TMEM260: variants seen among roughly 807,000 people sequenced by gnomAD.
The protein encoded by TMEM260 is transmembrane protein 260.
TMEM260 carries 82 observed loss-of-function variants against 88.9 expected under a neutral mutation model. That is an observed-to-expected ratio of 0.92 (90% confidence interval 0.77 to 1.11). The LOEUF (loss-of-function observed/expected upper bound fraction) is 1.11. Ranked by LOEUF, TMEM260 falls within the 50% of genes least tolerant of loss-of-function variation. The probability of loss-of-function intolerance (pLI) is 0.00; values close to 1 mark genes in which losing one functional copy is unlikely to be tolerated. For missense variants in TMEM260, 902 were observed against 853.4 expected (o/e 1.06, Z -0.71); for synonymous variants, 314 against 309.3 (o/e 1.02, Z -0.16).
intron 5 of TMEM260, among the ~76,000 whole-genome samples, chr14:56,605,920 T>C (rs1445784720): frequency 1.3e-5 from 2 of 152,222 alleles, no homozygotes; most frequent in Non-Finnish European, 2.9e-5. Context: ...AATAGCATCT[T>C]GATGAAAGTA....
At chr14:56,606,666 C>T (rs1392253709) in intron 5 of TMEM260, among the ~76,000 whole-genome samples, 2 of 152,066 alleles carry the variant, frequency 1.3e-5, no homozygotes, top group East Asian at 1.9e-4. Flanking sequence ...CCAAGGCAGG[C>T]GGATTGCCTG....
At chr14:56,594,956 A>G (rs770332242) in intron 3 of TMEM260, among the ~76,000 whole-genome samples, 1 of 152,198 alleles carries the variant, frequency 6.6e-6, no homozygotes, top group Non-Finnish European at 1.5e-5. Flanking sequence ...TATTCCCAAA[A>G]AGAGATTGCA....
rs771695037 is a variant in TMEM260, at chr14:56,618,616, G to A, written c.1079G>A (p.Ser360Asn). The change falls in exon 10 of 16, where the codon AGC (serine) becomes AAC (asparagine). Residue 360 changes from serine to asparagine, a missense_variant. By Grantham distance (46) the Ser-to-Asn change is conservative. Coordinates refer to ENST00000261556, the MANE Select transcript of TMEM260 (RefSeq NM_017799.4). ...CAGGTGGAACGATTCTGGATGCAGA[G>A]CAATGCAGTAGTGGCCGTCCTCGCT... ...MGVVERFWMQ[S>N]NAVVAVLAGI... 4 of 1,614,038 alleles carry A rather than the reference G, an allele frequency of 2.5e-6. No homozygotes were observed. The highest frequency in any genetic ancestry group is 1.1e-5 in the South Asian group (1 of 91,068).
At chr14:56,661,982 C>A in the TMEM260 span, among the ~76,000 whole-genome samples, 1 of 152,122 alleles carries the variant, frequency 6.6e-6, no homozygotes, top group South Asian at 2.1e-4. Flanking sequence ...AAGTTTAGGT[C>A]TCAGGGTGAG....
intron 7 of TMEM260, 61 bp from the exon 8 acceptor site, chr14:56,615,883 T>C: frequency 8.5e-7 from 1 of 1,177,638 alleles, no homozygotes; most frequent in South Asian, 1.2e-5. Flanking sequence ...ACAAGGACTA[T>C]TTTATTTGGA....
rs1890043349 is a variant in TMEM260, at chr14:56,647,511, G to A, written c.*14G>A. The A allele has an allele frequency of 6.4e-7, 1 of 1,568,870 alleles. No individual in the cohort carries two copies. The highest frequency in any genetic ancestry group is 2.3e-5 in the East Asian group (1 of 44,352). On this transcript the variant is annotated 3_prime_UTR_variant, in exon 16 of 16. Transcript: ENST00000261556. Reference sequence around the variant, plus strand: ...AAAAATGTCTGAGACAGCAAAATATGAAAAACCTGCTCATCGTTCAGCTTC... The same window carrying A: ...AAAAATGTCTGAGACAGCAAAATATAAAAAACCTGCTCATCGTTCAGCTTC...
chr14:56,610,227 GA>G (rs1343395727), intron 6 of TMEM260, among the ~76,000 whole-genome samples: 2 of 151,590 alleles, frequency 1.3e-5, no homozygotes, highest in Non-Finnish European at 2.9e-5. Context: ...TTAAAAAAAA[GA>G]ATTTTTTTTT....
At chr14:56,631,124 T>A (rs1464459399) in intron 12 of TMEM260, among the ~76,000 whole-genome samples, 1 of 152,114 alleles carries the variant, frequency 6.6e-6, no homozygotes, top group Non-Finnish European at 1.5e-5. Context: ...TATTAAAAGC[T>A]CTAAAGCAGA....
chr14:56,636,636 G>A (rs763984087), intron 15 of TMEM260, 38 bp downstream of exon 15: 1 of 1,549,846 alleles, frequency 6.5e-7, no homozygotes, highest in Non-Finnish European at 8.9e-7. Flanking sequence ...AGATATATTT[G>A]GTGGGAAGGT....
At chr14:56,599,640 C>G (rs1219843603) in intron 3 of TMEM260, among the ~76,000 whole-genome samples, 1 of 152,186 alleles carries the variant, frequency 6.6e-6, no homozygotes, top group Non-Finnish European at 1.5e-5. Flanking sequence ...ACATGTAGCT[C>G]TGATAAACTG....
At chr14:56,631,758 C>T (rs918998893) in intron 12 of TMEM260, among the ~76,000 whole-genome samples, 11 of 152,196 alleles carry the variant, frequency 7.2e-5, no homozygotes, top group African/African-American at 2.7e-4. Flanking sequence ...TCTTAGTGCA[C>T]ATGCTTGAGC....
Position 56,585,719 on chromosome 14 carries a change from T to C in TMEM260, c.193-42T>C, listed in dbSNP as rs149810816. The C allele has an allele frequency of 2.5e-6, 4 of 1,593,702 alleles. No homozygotes were observed. The South Asian group carries it at 4.5e-5, about 18-fold the overall frequency. ...ATTAAGGCCTGTGGGACTCTTCCTT[T>C]CCTAGATGAAAACCTTCTAACTGTT... On this transcript the variant is annotated intron_variant, in intron 2 of 15. Coordinates refer to ENST00000261556, the MANE Select transcript of TMEM260 (RefSeq NM_017799.4).
chr14:56,652,107 C>T (rs1890217410), downstream of TMEM260, among the ~76,000 whole-genome samples: 2 of 152,274 alleles, frequency 1.3e-5, no homozygotes, highest in South Asian at 2.1e-4. Flanking sequence ...GAAAGGGGAA[C>T]ACTGCTTGGA....
intron 12 of TMEM260, among the ~76,000 whole-genome samples, chr14:56,626,623 T>C (rs966361861): frequency 6.6e-6 from 1 of 152,228 alleles, no homozygotes; most frequent in Non-Finnish European, 1.5e-5. Context: ...AATAGGTGTT[T>C]ACTGAATAGA....
chr14:56,651,809 G>A (rs1386742745), downstream of TMEM260, among the ~76,000 whole-genome samples: 1 of 152,162 alleles, frequency 6.6e-6, no homozygotes, highest in East Asian at 1.9e-4. Context: ...GAAGTATAGG[G>A]TGAAGTACAA....
intron 7 of TMEM260, among the ~76,000 whole-genome samples, chr14:56,614,637 C>T (rs1389895315): frequency 6.6e-6 from 1 of 152,128 alleles, no homozygotes; most frequent in Non-Finnish European, 1.5e-5. Flanking sequence ...TATTGGGACC[C>T]TTAAAGGCCT....
intron 3 of TMEM260, among the ~76,000 whole-genome samples, chr14:56,596,414 A>G (rs373674964): frequency 2.9e-4 from 29 of 100,488 alleles, no homozygotes; most frequent in African/African-American, 8.2e-4. Context: ...GTGTATATAT[A>G]TATATATATA....
intron 15 of TMEM260, among the ~76,000 whole-genome samples, chr14:56,640,956 GAAAC>G (rs201786456): frequency 0.04 from 6,112 of 152,108 alleles, 413 homozygotes; most frequent in African/African-American, 0.14. Flanking sequence ...AGAATAACAA[GAAAC>G]AAACAAAGCC....
At chr14:56,653,742 A>AAAAAC (rs1555343574), downstream of TMEM260, among the ~76,000 whole-genome samples, 30 of 65,822 alleles carry the variant, frequency 4.6e-4, no homozygotes, top group African/African-American at 9.1e-4. Context: ...TCTCCAAAAC[A>AAAAAC]AAAAAAAAAA....
Sources: gnomAD v4.1 joint callset for allele counts (sites outside exome capture counted in the v4.1 genomes callset) on GRCh38, gnomAD v4.1.1 for gene constraint, MANE v1.5 for transcripts, NCBI Gene and HGNC (gene_info 2026-07-23, HGNC 2026-07-21) for gene names.